NFE2L2: variants seen among roughly 807,000 people sequenced by gnomAD.
The protein encoded by NFE2L2 is NFE2 like bZIP transcription factor 2, also known as nuclear factor erythroid 2-related factor 2.
In NFE2L2, 20 loss-of-function variants were observed where a neutral mutation model predicts 49.6. That is an observed-to-expected ratio of 0.40 (90% CI 0.28 to 0.59). NFE2L2 has a LOEUF of 0.59. Ranked by LOEUF, NFE2L2 falls within the 20% of genes least tolerant of loss-of-function variation. The pLI, the probability that NFE2L2 is intolerant of heterozygous loss-of-function variation, is 0.40. For missense variants in NFE2L2, 578 were observed against 714.2 expected (o/e 0.81, Z 2.17); for synonymous variants, 244 against 256.5 (o/e 0.95, Z 0.47).
At chr2:177,259,758 C>T (rs1459788324) in intron 1 of NFE2L2, among the ~76,000 whole-genome samples, 2 of 152,006 alleles carry the variant, frequency 1.3e-5, no homozygotes. Context: ...CAGTGAAACC[C>T]CATCTCTACT....
intron 1 of NFE2L2, among the ~76,000 whole-genome samples, chr2:177,248,723 T>A (rs1014271252): frequency 2.0e-5 from 3 of 152,224 alleles, no homozygotes; most frequent in Non-Finnish European, 4.4e-5. Flanking sequence ...TACTCTTTTT[T>A]TTATTTTTCA....
At chr2:177,239,351 G>A (rs2105466764) in intron 1 of NFE2L2, among the ~76,000 whole-genome samples, 2 of 152,256 alleles carry the variant, frequency 1.3e-5, no homozygotes, top group African/African-American at 4.8e-5. Context: ...GTTTCAAAGT[G>A]TTCTGAAAGG....
chr2:177,235,170 A>G (rs1689701935), intron 1 of NFE2L2, among the ~76,000 whole-genome samples: 1 of 152,104 alleles, frequency 6.6e-6, no homozygotes, highest in Non-Finnish European at 1.5e-5. Context: ...TCACGCCTAC[A>G]AGCCCAGCAC....
In NFE2L2 at chr2:177,258,661, G is replaced by GA. The variant is rs557028562; in HGVS notation, c.45+5870dup. 1.4e-3 allele frequency among the ~76,000 whole-genome samples: 203 copies of GA among 148,924 alleles called. 2 individuals carry two copies. In the South Asian group the frequency reaches 0.023, roughly 17 times the overall value. ...TCTATAAATTCTATCTACTATAGAG[G>GA]AAAAAAAAACAGATACATAAGTAAG... On this transcript the variant is annotated intron_variant, in intron 1 of 4. Coordinates refer to ENST00000397062, the MANE Select transcript of NFE2L2 (RefSeq NM_006164.5).
chr2:177,256,979 G>C (rs146980194), intron 1 of NFE2L2, among the ~76,000 whole-genome samples: 1 of 152,220 alleles, frequency 6.6e-6, no homozygotes, highest in Admixed American at 6.5e-5. Flanking sequence ...GCTGTGGCAC[G>C]CACACCCACA....
intron 1 of NFE2L2, among the ~76,000 whole-genome samples, chr2:177,254,968 G>A (rs1452255680): frequency 2.0e-5 from 3 of 152,142 alleles, no homozygotes; most frequent in East Asian, 3.9e-4. Flanking sequence ...CACACCATAG[G>A]AAGTGAGCTG....
At chr2:177,247,522 G>A (rs1202742956) in intron 1 of NFE2L2, among the ~76,000 whole-genome samples, 6 of 151,782 alleles carry the variant, frequency 4.0e-5, no homozygotes, top group East Asian at 1.9e-4. Flanking sequence ...TTAGCCGGGC[G>A]TGGTAGCGGG....
At chr2:177,241,517 T>C (rs1574267072) in intron 1 of NFE2L2, among the ~76,000 whole-genome samples, 2 of 152,184 alleles carry the variant, frequency 1.3e-5, no homozygotes, top group South Asian at 2.1e-4. Context: ...TTAAGAGCTA[T>C]ATGAGGCTGC....
In NFE2L2 at chr2:177,256,636, G is replaced by A. The variant is rs368624238; in HGVS notation, c.45+7896C>T. 1.3e-4 allele frequency among the ~76,000 whole-genome samples: 20 copies of A among 151,952 alleles called. No individual in the cohort carries two copies. The South Asian group carries it at 1.9e-3, about 14-fold the overall frequency. ...TCACATTATGTACACCATTCAATAC[G>A]AAACTCCTAAGTAAAATAACAGGAT... On this transcript the variant is annotated intron_variant, in intron 1 of 4. Transcript: ENST00000397062.
Position 177,231,633 on chromosome 2 carries a change from G to A in NFE2L2, c.970C>T (p.Leu324Phe). ...TGGTTTTGGTTGAAAGCTTTGCAAAGTGATAGATCAGAAACATCAATGGGC... is the reference window on the plus strand; with the variant it reads ...TGGTTTTGGTTGAAAGCTTTGCAAAATGATAGATCAGAAACATCAATGGGC... ...NGPIDVSDLS[L>F]CKAFNQNHPE... The change falls in exon 5 of 5, where the codon CTT (leucine) becomes TTT (phenylalanine). Residue 324 changes from leucine (L) to phenylalanine (F), a missense_variant. Physicochemically the swap from Leu to Phe is conservative, Grantham distance 22 (BLOSUM62 0). Coordinates refer to ENST00000397062, the MANE Select transcript of NFE2L2 (RefSeq NM_006164.5). 6.2e-7 allele frequency: 1 copy of A among 1,614,208 alleles called. No individual in the cohort carries two copies. The highest frequency in any genetic ancestry group is 8.5e-7 in the Non-Finnish European group (1 of 1,180,024).
intron 1 of NFE2L2, among the ~76,000 whole-genome samples, chr2:177,238,172 A>C (rs937614561): frequency 6.6e-6 from 1 of 152,134 alleles, no homozygotes; most frequent in Non-Finnish European, 1.5e-5. Flanking sequence ...CTCACCCTAG[A>C]CTTCCTGGGC....
At chr2:177,263,538 G>A in intron 1 of NFE2L2, 1 of 985,494 alleles carries the variant, frequency 1.0e-6, no homozygotes. Context: ...CCTGTCCCTT[G>A]GCCCTGGCGC....
At chr2:177,243,541 TTA>T (rs1469834762) in intron 1 of NFE2L2, among the ~76,000 whole-genome samples, 2 of 152,088 alleles carry the variant, frequency 1.3e-5, no homozygotes, top group African/African-American at 4.8e-5. Context: ...TTAAAAGAGA[TTA>T]AGAGTCTTGC....
intron 1 of NFE2L2, among the ~76,000 whole-genome samples, chr2:177,246,762 G>A (rs1377729614): frequency 7.1e-6 from 1 of 140,924 alleles, no homozygotes; most frequent in East Asian, 2.1e-4. Context: ...ACTATGCCTG[G>A]CTAATATTTT....
At chr2:177,237,810 C>T (rs1027845213) in intron 1 of NFE2L2, among the ~76,000 whole-genome samples, 4 of 152,246 alleles carry the variant, frequency 2.6e-5, no homozygotes, top group East Asian at 3.9e-4. Context: ...TGAGCCACCA[C>T]GCCCAGCTGA....
intron 1 of NFE2L2, among the ~76,000 whole-genome samples, chr2:177,246,222 G>T (rs1690123002): frequency 6.6e-6 from 1 of 152,140 alleles, no homozygotes; most frequent in Non-Finnish European, 1.5e-5. Context: ...AGAGAGCTTA[G>T]CATTGAAATC....
At chr2:177,263,849 G>A (rs1359974893) in intron 1 of NFE2L2, 2 of 985,380 alleles carry the variant, frequency 2.0e-6, no homozygotes, top group Admixed American at 6.1e-5. Context: ...TGAGCCCGCT[G>A]GGCACTTAAG....
intron 1 of NFE2L2, among the ~76,000 whole-genome samples, chr2:177,244,034 C>T (rs970549204): frequency 1.3e-5 from 2 of 150,894 alleles, no homozygotes; most frequent in Admixed American, 1.3e-4. Flanking sequence ...GGTGCGGTGG[C>T]TCACGCCTGT....
chr2:177,232,868 T>C (rs1689604781), intron 3 of NFE2L2: 1 of 466,336 alleles, frequency 2.1e-6, no homozygotes, highest in Non-Finnish European at 3.8e-6. Flanking sequence ...ACAGTGGTAC[T>C]AGATAAAACA....
Sources: allele counts gnomAD v4.1 joint callset (sites outside exome capture counted in the v4.1 genomes callset), GRCh38; gene constraint gnomAD v4.1.1; transcripts MANE v1.5; gene names NCBI Gene and HGNC (gene_info 2026-07-23, HGNC 2026-07-21).